The following ERICH1 variants were observed in gnomAD, a reference collection of about 807,000 sequenced individuals.
The protein encoded by ERICH1 is glutamate rich 1.
In ERICH1, 56 loss-of-function variants were observed where a neutral mutation model predicts 39.6. That is an observed-to-expected ratio of 1.41 (90% CI 1.14 to 1.77). The LOEUF (loss-of-function observed/expected upper bound fraction) is 1.77, where lower values mean the gene tolerates loss of function less well. Ranked by LOEUF, ERICH1 falls within the 40% of genes most tolerant of loss-of-function variation. ERICH1 has a pLI of 0.00. For missense variants in ERICH1, 826 were observed against 575.4 expected, an observed-to-expected ratio of 1.44 and a Z score of -4.45; for synonymous variants, 313 against 223.6, an observed-to-expected ratio of 1.40 and a Z score of -3.57.
At chr8:632,297 C>T (rs1229937744) in intron 3 of ERICH1, among the ~76,000 whole-genome samples, 1 of 151,650 alleles carries the variant, frequency 6.6e-6, no homozygotes, top group Non-Finnish European at 1.5e-5. Flanking sequence ...TGCTTTCATC[C>T]AGTCTTGCTG....
intron 2 of ERICH1, among the ~76,000 whole-genome samples, chr8:706,549 G>T (rs535418998): frequency 6.6e-6 from 1 of 152,140 alleles, no homozygotes; most frequent in African/African-American, 2.4e-5. Flanking sequence ...TGAGGTGGGC[G>T]GATCACCTGA....
intron 1 of ERICH1, among the ~76,000 whole-genome samples, chr8:717,652 A>G (rs938619041): frequency 6.6e-6 from 1 of 152,254 alleles, no homozygotes; most frequent in African/African-American, 2.4e-5. Flanking sequence ...AGACAAAACC[A>G]TAACCAGCCG....
chr8:662,843 GACT>G (rs1801632648), downstream of ERICH1, among the ~76,000 whole-genome samples: 1 of 151,986 alleles, frequency 6.6e-6, no homozygotes, highest in Non-Finnish European at 1.5e-5. Flanking sequence ...GCCTCACAAT[GACT>G]TCGGAGTTAG....
intron 3 of ERICH1, among the ~76,000 whole-genome samples, chr8:689,379 G>T (rs1394236714): frequency 6.6e-6 from 1 of 152,236 alleles, no homozygotes; most frequent in Non-Finnish European, 1.5e-5. Flanking sequence ...CCAAAGTGCT[G>T]GAATTACAGG....
At chr8:620,613 T>C (rs1293711050) in intron 3 of ERICH1, among the ~76,000 whole-genome samples, 3 of 152,174 alleles carry the variant, frequency 2.0e-5, no homozygotes, top group Admixed American at 2.0e-4. Flanking sequence ...CAGAAAAACA[T>C]ACGTCATGCA....
chr8:677,272 C>A (rs976997036), intron 3 of ERICH1, among the ~76,000 whole-genome samples: 1 of 152,122 alleles, frequency 6.6e-6, no homozygotes, highest in Admixed American at 6.5e-5. Flanking sequence ...ATGTAGACAC[C>A]CCCCAGCTCT....
At chr8:638,046 G>A (rs888673540) in intron 3 of ERICH1, among the ~76,000 whole-genome samples, 1 of 152,240 alleles carries the variant, frequency 6.6e-6, no homozygotes, top group Non-Finnish European at 1.5e-5. Flanking sequence ...TTACACAGAA[G>A]CCTGTTCTCT....
intron 1 of ERICH1, among the ~76,000 whole-genome samples, chr8:716,226 T>A (rs921837202): frequency 6.6e-6 from 1 of 152,166 alleles, no homozygotes; most frequent in Non-Finnish European, 1.5e-5. Context: ...CCCCCCACCA[T>A]CCTGCCATCA....
intron 3 of ERICH1, among the ~76,000 whole-genome samples, chr8:678,723 G>T (rs759645422): frequency 6.6e-6 from 1 of 152,148 alleles, no homozygotes; most frequent in South Asian, 2.1e-4. Context: ...CAGAAGAATC[G>T]CTTGAACCTG....
At chr8:720,656 C>G (rs1173620901) in intron 1 of ERICH1, among the ~76,000 whole-genome samples, 1 of 152,136 alleles carries the variant, frequency 6.6e-6, no homozygotes, top group African/African-American at 2.4e-5. Flanking sequence ...GACAATGTCC[C>G]TTTTCAAATT....
chr8:655,246 G>T (rs1800482121), intron 3 of ERICH1, among the ~76,000 whole-genome samples: 1 of 152,208 alleles, frequency 6.6e-6, no homozygotes, highest in South Asian at 2.1e-4. Flanking sequence ...GGAGACAGAC[G>T]CTGTCCAACT....
In ERICH1 at chr8:624,962, G is replaced by A. The variant is rs191065820; in HGVS notation, c.977-9678C>T. 1.4e-4 allele frequency among the ~76,000 whole-genome samples: 21 copies of A among 152,132 alleles called. 1 individual carries two copies. In the East Asian group the frequency reaches 3.3e-3, roughly 24 times the overall value. ...AGGATGGTCTTGATCTCCTGACCTC[G>A]TGATCCGCTTGCCTCGGCCACCCAA... On this transcript the variant is annotated intron_variant, in intron 3 of 3. Transcript: ENST00000522706.
intron 1 of ERICH1, among the ~76,000 whole-genome samples, chr8:730,019 C>A (rs566967094): frequency 6.6e-6 from 1 of 152,092 alleles, no homozygotes; most frequent in Non-Finnish European, 1.5e-5. Flanking sequence ...GGCAGCTGAC[C>A]GTCAGGTCTG....
At chr8:627,942 C>CA (rs1554479584) in intron 3 of ERICH1, among the ~76,000 whole-genome samples, 75 of 152,184 alleles carry the variant, frequency 4.9e-4, no homozygotes, top group Admixed American at 1.8e-3. Flanking sequence ...ACACAGGGGC[C>CA]GGGGGGGCCT....
chr8:662,587 G>C (rs1415161603), downstream of ERICH1, among the ~76,000 whole-genome samples: 2 of 152,170 alleles, frequency 1.3e-5, no homozygotes, highest in Non-Finnish European at 1.5e-5. Context: ...GGTGGAGGTT[G>C]AGGTGAGCCG....
Position 619,400 on chromosome 8 carries a change from T to G in ERICH1, c.977-4116A>C, listed in dbSNP as rs577712162. 4.7e-3 allele frequency among the ~76,000 whole-genome samples: 711 copies of G among 152,312 alleles called. 3 individuals are homozygous for G. Among genetic ancestry groups the G allele is most frequent in the Non-Finnish European group, 7.3e-3 (497 of 68,036 alleles). ...CTTTCTTCTCAACTTATTTTTAAAA[T>G]GCTTACATAAAAGAATATGTATATA... On this transcript the variant is annotated intron_variant, in intron 3 of 3. Coordinates refer to the ERICH1 transcript ENST00000522706.
At chr8:685,151 A>C (rs1474275822) in intron 3 of ERICH1, among the ~76,000 whole-genome samples, 2 of 152,158 alleles carry the variant, frequency 1.3e-5, no homozygotes, top group East Asian at 3.8e-4. Context: ...CGGCCATTTT[A>C]GAGATCCCCC....
intron 3 of ERICH1, among the ~76,000 whole-genome samples, chr8:681,570 C>T (rs1359747958): frequency 6.6e-6 from 1 of 152,220 alleles, no homozygotes; most frequent in African/African-American, 2.4e-5. Flanking sequence ...CAGTGCCCTC[C>T]ACCTAACATA....
intron 4 of ERICH1, among the ~76,000 whole-genome samples, chr8:670,848 G>A (rs1329400054): frequency 6.6e-6 from 1 of 151,592 alleles, no homozygotes; most frequent in African/African-American, 2.4e-5. Flanking sequence ...GAACCCACTG[G>A]CCCCTGCTTC....
Sources: gnomAD v4.1 joint callset for allele counts (sites outside exome capture counted in the v4.1 genomes callset) on GRCh38, gnomAD v4.1.1 for gene constraint, MANE v1.5 for transcripts, NCBI Gene and HGNC (gene_info 2026-07-23, HGNC 2026-07-21) for gene names.